The following LUC7L variants were observed in gnomAD, a reference collection of about 807,000 sequenced individuals.
LUC7L encodes putative RNA-binding protein Luc7-like 1.
In LUC7L, 29 loss-of-function variants were observed where a neutral mutation model predicts 51.1. That is an observed-to-expected ratio of 0.57 (90% CI 0.42 to 0.77). The LOEUF is 0.77. LUC7L is among the 30% of genes least tolerant of loss of function. LUC7L has a pLI of 0.00. For synonymous variants in LUC7L, 181 were observed against 180.7 expected, an observed-to-expected ratio of 1.00 and a Z score of -0.01; for missense variants, 403 against 511.9, an observed-to-expected ratio of 0.79 and a Z score of 2.05.
In LUC7L at chr16:229,317, C is replaced by T; in HGVS notation, c.23G>A (p.Arg8Gln). Residue 8 changes from arginine (R) to glutamine (Q), a missense_variant, in exon 1 of 10, where the codon CGG becomes CAG. Physicochemically the swap from Arg to Gln is conservative, Grantham distance 43. This residue lies in a region of LUC7L where 182 missense variants were observed against 248.4 expected (regional missense o/e 0.73). Transcript: ENST00000293872. MSAQAQMRALLDQLMGTA... is the reference protein window; with the variant it reads MSAQAQMQALLDQLMGTA... ...GCCCATGAGCTGGTCCAGCAGGGCC[C>T]GCATCTGCGCCTGGGCGGACATGGT... is the stretch of plus-strand genomic sequence containing the variant. 1 of 1,527,584 alleles carries T rather than the reference C, an allele frequency of 6.5e-7. No individual in the cohort carries two copies. Among genetic ancestry groups the T allele is most frequent in the Non-Finnish European group, 8.7e-7 (1 of 1,144,188 alleles). The allele number at this position is 1,527,584 out of a possible 1,614,324, so 94.6% of individuals were successfully genotyped here.
At chr16:205,144 G>A (rs763871183) in intron 5 of LUC7L, among the ~76,000 whole-genome samples, 2 of 152,138 alleles carry the variant, frequency 1.3e-5, no homozygotes, top group Non-Finnish European at 2.9e-5. Flanking sequence ...TCTCTACGGC[G>A]AATGCTGTCA....
chr16:204,934 G>C (rs746597636), intron 5 of LUC7L, among the ~76,000 whole-genome samples: 11 of 152,144 alleles, frequency 7.2e-5, no homozygotes, highest in South Asian at 2.1e-4. Flanking sequence ...ACTGCAGTAG[G>C]AATGTACTGG....
intron 3 of LUC7L, among the ~76,000 whole-genome samples, chr16:213,038 A>C (rs1205558728): frequency 6.6e-6 from 1 of 152,154 alleles, no homozygotes; most frequent in Non-Finnish European, 1.5e-5. Context: ...AAGTACTGGG[A>C]TTACAGGCGT....
At chr16:226,784 G>T (rs1351619817) in intron 2 of LUC7L, among the ~76,000 whole-genome samples, 1 of 152,160 alleles carries the variant, frequency 6.6e-6, no homozygotes, top group African/African-American at 2.4e-5. Context: ...CAGTATAAAT[G>T]ACTTTACAAA....
rs2049473045 is a variant in LUC7L, at chr16:205,990, C to G, written c.510+14G>C. On this transcript the variant is annotated intron_variant, in intron 5 of 9. Transcript: ENST00000293872. ...CTAAGATTTCTCTTGCCCTAAGGCA[C>G]TTATCTCACCAACCTCAGCTTCTTT... The G allele has an allele frequency of 2.5e-6, 4 of 1,607,416 alleles. No individual in the cohort carries two copies. In the African/African-American group the frequency reaches 4.0e-5, roughly 16 times the overall value.
chr16:199,703 G>A (rs71378504), intron 5 of LUC7L, among the ~76,000 whole-genome samples: 1,625 of 150,020 alleles, frequency 0.011, 19 homozygotes, highest in Non-Finnish European at 0.017. Context: ...CTCGGGAGGC[G>A]GAGGTTGCTG....
intron 4 of LUC7L, among the ~76,000 whole-genome samples, chr16:206,531 T>C (rs1405297587): frequency 1.3e-5 from 2 of 152,166 alleles, no homozygotes; most frequent in Non-Finnish European, 2.9e-5. Context: ...AATAGCACCG[T>C]TGGTCAAATT....
At chr16:226,069 A>G (rs923687113) in intron 2 of LUC7L, among the ~76,000 whole-genome samples, 3 of 152,188 alleles carry the variant, frequency 2.0e-5, no homozygotes, top group African/African-American at 7.2e-5. Flanking sequence ...GGTACACACA[A>G]CAATCTGCAT....
At chr16:205,332 C>T (rs1050134929) in intron 5 of LUC7L, among the ~76,000 whole-genome samples, 1 of 152,164 alleles carries the variant, frequency 6.6e-6, no homozygotes, top group Non-Finnish European at 1.5e-5. Context: ...TAAGTTTTGA[C>T]AAATGTTACC....
chr16:207,049 AT>A (rs1171284171), intron 4 of LUC7L, among the ~76,000 whole-genome samples: 7 of 151,946 alleles, frequency 4.6e-5, no homozygotes, highest in African/African-American at 1.7e-4. Context: ...AATACAAAAA[AT>A]TAGCTGGGCG....
intron 3 of LUC7L, among the ~76,000 whole-genome samples, chr16:214,983 T>C (rs1294866744): frequency 2.0e-5 from 3 of 152,002 alleles, no homozygotes; most frequent in East Asian, 3.9e-4. Context: ...AGTAGGAGAA[T>C]AGCTTGAGGC....
chr16:216,062 C>A (rs1010841896), intron 3 of LUC7L, among the ~76,000 whole-genome samples: 1 of 151,988 alleles, frequency 6.6e-6, no homozygotes, highest in Non-Finnish European at 1.5e-5. Flanking sequence ...AGTGCAATGG[C>A]ACGATCTTGG....
intron 3 of LUC7L, chr16:209,489 CA>C (rs5815040): frequency 9.3e-4 from 107 of 115,522 alleles, no homozygotes; most frequent in Non-Finnish European, 1.1e-3. Context: ...GATTCCATCT[CA>C]AAAAAAAAAA....
At chr16:192,028 T>A (rs1177848117) in intron 7 of LUC7L, among the ~76,000 whole-genome samples, 1 of 151,954 alleles carries the variant, frequency 6.6e-6, no homozygotes, top group Non-Finnish European at 1.5e-5. Context: ...TCAAGCTGAG[T>A]GTGGCCAGAG....
chr16:227,375 CACATTAACCACCAAAA>C, intron 1 of LUC7L, 39 bp from the exon 2 acceptor site: 1 of 1,564,324 alleles, frequency 6.4e-7, no homozygotes, highest in South Asian at 1.2e-5. Flanking sequence ...ACAATATTAT[CACATTAACCACCAAAA>C]AATAACTAGT....
intron 3 of LUC7L, 102 bp downstream of exon 3, chr16:220,547 C>T (rs1041382398): frequency 1.2e-6 from 1 of 839,706 alleles, no homozygotes; most frequent in Non-Finnish European, 2.0e-6. Flanking sequence ...CAAGCAACTA[C>T]CTTATTATTT....
At chr16:217,900 G>A (rs954859507) in intron 3 of LUC7L, among the ~76,000 whole-genome samples, 2 of 151,536 alleles carry the variant, frequency 1.3e-5, no homozygotes, top group Admixed American at 6.6e-5. Flanking sequence ...TTAGCTGGGC[G>A]TGGTGGCGGG....
rs1445029956 is a variant in LUC7L, at chr16:229,446, C to T, written c.-107G>A. 5 of 1,005,814 alleles carry T rather than the reference C, an allele frequency of 5.0e-6. No individual in the cohort carries two copies. Among genetic ancestry groups the T allele is most frequent in the South Asian group, 3.9e-5 (2 of 51,448 alleles). The allele number at this position is 1,005,814 out of a possible 1,614,324, so 62.3% of individuals were successfully genotyped here. A position where few individuals can be genotyped will look rare whatever the true frequency, so the allele number is the denominator to read the frequency against. On this transcript the variant is annotated 5_prime_UTR_variant, in exon 1 of 10. Transcript: ENST00000293872. ...GCGTCGGCCTCGAGCCCACTCGGCT[C>T]TTTCCCGCCGCGGGGGACGCCGGGA... is the stretch of plus-strand genomic sequence containing the variant.
chr16:226,955 T>C (rs759306899), intron 2 of LUC7L, among the ~76,000 whole-genome samples: 4 of 152,184 alleles, frequency 2.6e-5, no homozygotes, highest in Non-Finnish European at 5.9e-5. Context: ...ATGCCTGTAG[T>C]ACCAGCTGCT....
Sources: gnomAD v4.1 joint callset for allele counts (sites outside exome capture counted in the v4.1 genomes callset) on GRCh38, gnomAD v4.1.1 for gene constraint, gnomAD v4.1.1 regional missense constraint, MANE v1.5 for transcripts, NCBI Gene and HGNC (gene_info 2026-07-23, HGNC 2026-07-21) for gene names.